Variants in LARP1 observed in about 807,000 individuals in gnomAD.
The protein encoded by LARP1 is la-related protein 1.
In LARP1, 36 loss-of-function variants were observed where a neutral mutation model predicts 122.7. That is an observed-to-expected ratio of 0.29 (90% CI 0.22 to 0.39). The LOEUF (loss-of-function observed/expected upper bound fraction) is 0.39, where lower values mean the gene tolerates loss of function less well. Among genes scored for constraint, LARP1 ranks in the 10% least tolerant of loss-of-function variants. The pLI, the probability that LARP1 is intolerant of heterozygous loss-of-function variation, is 1.00. For synonymous variants in LARP1, 539 were observed against 528.7 expected (o/e 1.02, Z -0.27); for missense variants, 1,040 against 1,403.6 (o/e 0.74, Z 4.14).
intron 1 of LARP1, among the ~76,000 whole-genome samples, chr5:154,773,577 A>G (rs1051550120): frequency 1.3e-5 from 2 of 152,192 alleles, no homozygotes; most frequent in African/African-American, 2.4e-5. Flanking sequence ...ATAGGGGAAG[A>G]TACTTAACCG....
chr5:154,759,906 T>TTAATATA (rs1754306298), intron 1 of LARP1, among the ~76,000 whole-genome samples: 1 of 151,118 alleles, frequency 6.6e-6, no homozygotes, highest in South Asian at 2.1e-4. Flanking sequence ...GCATTTAAGA[T>TTAATATA]AGGCTGGGCT....
At chr5:154,704,812 C>T (rs932545101) in intron 1 of LARP1, among the ~76,000 whole-genome samples, 1 of 151,676 alleles carries the variant, frequency 6.6e-6, no homozygotes, top group Non-Finnish European at 1.5e-5. Flanking sequence ...AAAACAACTC[C>T]ATTAAAAAAT....
At chr5:154,753,979 C>T (rs1214567181), upstream of LARP1, among the ~76,000 whole-genome samples, 1 of 152,232 alleles carries the variant, frequency 6.6e-6, no homozygotes, top group Non-Finnish European at 1.5e-5. Flanking sequence ...CACAGCCAGT[C>T]AGAAGCCAGG....
intron 1 of LARP1, among the ~76,000 whole-genome samples, chr5:154,768,826 C>T (rs559223017): frequency 6.6e-6 from 1 of 152,274 alleles, no homozygotes; most frequent in South Asian, 2.1e-4. Context: ...CGTGATCCAC[C>T]CGCCTTGGCC....
At chr5:154,690,068 AAAAT>A (rs1754121978) in intron 1 of LARP1, among the ~76,000 whole-genome samples, 1 of 152,146 alleles carries the variant, frequency 6.6e-6, no homozygotes, top group Admixed American at 6.6e-5. Flanking sequence ...AAATTAAAAA[AAAAT>A]GAAGTGATTT....
At chr5:154,797,680 CTT>C (rs79974250) in intron 8 of LARP1, among the ~76,000 whole-genome samples, 6 of 138,082 alleles carry the variant, frequency 4.3e-5, no homozygotes, top group African/African-American at 5.3e-5. Flanking sequence ...TGTCTACCGT[CTT>C]TTTTTTTTTT....
At chr5:154,742,362 G>GTTAATAT (rs1453241394) in intron 1 of LARP1, among the ~76,000 whole-genome samples, 1 of 152,162 alleles carries the variant, frequency 6.6e-6, no homozygotes, top group Non-Finnish European at 1.5e-5. Context: ...AGGGGTTCGA[G>GTTAATAT]ACCAGCCTGG....
At chr5:154,697,004 A>G (rs1415873383) in intron 1 of LARP1, among the ~76,000 whole-genome samples, 2 of 152,214 alleles carry the variant, frequency 1.3e-5, no homozygotes, top group Admixed American at 6.5e-5. Context: ...GGGCAAAGGA[A>G]GCAATCTGAT....
intron 8 of LARP1, among the ~76,000 whole-genome samples, 179 bp downstream of exon 8, chr5:154,795,498 A>G (rs902368034): frequency 6.6e-6 from 1 of 152,042 alleles, no homozygotes; most frequent in Admixed American, 6.6e-5. Context: ...TCTCTTGCTC[A>G]TTATGGAAAA....
rs1450736419 is a variant in LARP1 at position 154,790,728 on chromosome 5, A to C, written c.564+18A>C. 6 of 1,612,864 alleles carry C rather than the reference A, an allele frequency of 3.7e-6. No homozygotes were observed. Among genetic ancestry groups the C allele is most frequent in the Non-Finnish European group, 5.1e-6 (6 of 1,178,942 alleles). On this transcript the variant is annotated intron_variant, in intron 3 of 18. Transcript: ENST00000518297. Reference sequence around the variant, plus strand: ...GTGTTCAGGTGAGTCTGTGTGGAAGAATAGGCAGGTTTGAAGTCTCTTGAC... The same window carrying C: ...GTGTTCAGGTGAGTCTGTGTGGAAGCATAGGCAGGTTTGAAGTCTCTTGAC...
At position 154,814,110 on chromosome 5, in the gene LARP1, C is replaced by G. The variant is rs1469976366; in HGVS notation, c.*14C>G. 6.2e-7 allele frequency: 1 copy of G among 1,613,568 alleles called. No individual in the cohort carries two copies. Among genetic ancestry groups the G allele is most frequent in the Non-Finnish European group, 8.5e-7 (1 of 1,179,760 alleles). Reference sequence around the variant, plus strand: ...TTGGGAAAGTGAAAAGCTCCTTAGCCCTGGGGCTTGAGGGGGGAAAGGGGT... The same window carrying G: ...TTGGGAAAGTGAAAAGCTCCTTAGCGCTGGGGCTTGAGGGGGGAAAGGGGT... On this transcript the variant is annotated 3_prime_UTR_variant, in exon 19 of 19. Coordinates refer to ENST00000518297, the MANE Select transcript of LARP1 (RefSeq NM_033551.3).
chr5:154,739,133 A>G (rs1018887300), intron 1 of LARP1, among the ~76,000 whole-genome samples: 1 of 151,936 alleles, frequency 6.6e-6, no homozygotes, highest in African/African-American at 2.4e-5. Context: ...CTTCTGCCTC[A>G]ACCTCCCAAG....
chr5:154,760,101 G>A (rs991028563), intron 1 of LARP1, among the ~76,000 whole-genome samples: 23 of 152,188 alleles, frequency 1.5e-4, no homozygotes, highest in Admixed American at 1.4e-3. Flanking sequence ...CACCATGCCC[G>A]GCTAATTTTG....
intron 3 of LARP1, among the ~76,000 whole-genome samples, chr5:154,792,196 C>G (rs1180836784): frequency 6.6e-6 from 1 of 152,202 alleles, no homozygotes; most frequent in Non-Finnish European, 1.5e-5. Flanking sequence ...CTTCCCAGCA[C>G]TTTTGTTCTG....
At position 154,691,275 on chromosome 5, in the gene LARP1, AG is replaced by A. The variant is rs869208136; in HGVS notation, c.-180+8239del. Among the ~76,000 whole-genome samples the A allele has an allele frequency of 5.1e-4, 76 of 150,184 alleles. 8 individuals carry two copies. The highest frequency in any genetic ancestry group is 1.4e-3 in the East Asian group (7 of 5,134). On this transcript the variant is annotated intron_variant, in intron 1 of 18. Transcript: ENST00000687700. Reference sequence around the variant, plus strand: ...AGACTCCGTCTCAAAAAAAAAAAAAAGAAAGAAAGTATCAGACTTGCAATCA... The same window carrying A: ...AGACTCCGTCTCAAAAAAAAAAAAAAAAAGAAAGTATCAGACTTGCAATCA...
chr5:154,755,825 G>A lies in LARP1; in HGVS notation c.68G>A (p.Gly23Glu). Reference sequence around the variant, plus strand: ...CTCTTGCAGGCCGAAGAGCACGGGGGGCTGGTGAGGAAGAAGCCGCCGCCG... The same window carrying A: ...CTCTTGCAGGCCGAAGAGCACGGGGAGCTGGTGAGGAAGAAGCCGCCGCCG... ...ATLLQAEEHG[G>E]LVRKKPPPAP... Residue 23 changes from glycine to glutamate, a missense_variant, in exon 1 of 19, where the codon GGG becomes GAG. Gly to Glu is a moderately conservative substitution (Grantham distance 98). Transcript: ENST00000518297. 1 of 1,002,054 alleles carries A rather than the reference G, an allele frequency of 1.0e-6. No individual in the cohort carries two copies. Among genetic ancestry groups the A allele is most frequent in the African/African-American group, 1.7e-5 (1 of 57,458 alleles). 62.1% of individuals were successfully genotyped at this position (1,002,054 alleles called of 1,614,324 possible).
chr5:154,724,065 T>C (rs1009077187), intron 1 of LARP1, among the ~76,000 whole-genome samples: 2 of 152,242 alleles, frequency 1.3e-5, no homozygotes, highest in African/African-American at 4.8e-5. Context: ...AACCATGATC[T>C]TCCAGGAGTG....
At chr5:154,713,139 T>C in intron 1 of LARP1, 1 of 1,607,114 alleles carries the variant, frequency 6.2e-7, no homozygotes, top group Non-Finnish European at 8.5e-7. Context: ...TGGTGAGTCC[T>C]AGCACTCTGC....
intron 1 of LARP1, among the ~76,000 whole-genome samples, chr5:154,763,474 G>T (rs1385631529): frequency 6.6e-6 from 1 of 151,488 alleles, no homozygotes; most frequent in Non-Finnish European, 1.5e-5. Context: ...GATCATCCTT[G>T]CCACCTCTGT....
Sources: allele counts gnomAD v4.1 joint callset (sites outside exome capture counted in the v4.1 genomes callset), GRCh38; gene constraint gnomAD v4.1.1; transcripts MANE v1.5; gene names NCBI Gene and HGNC (gene_info 2026-07-23, HGNC 2026-07-21).